Variants in GNG4 observed in about 807,000 individuals in gnomAD.
GNG4 encodes guanine nucleotide-binding protein G(I)/G(S)/G(O) subunit gamma-4.
In GNG4, 4 loss-of-function variants were observed where a neutral mutation model predicts 5.8. That is an observed-to-expected ratio of 0.69 (90% confidence interval 0.34 to 1.57). GNG4 has a LOEUF of 1.57. GNG4 is among the 40% of genes most tolerant of loss of function. The pLI, the probability that GNG4 is intolerant of heterozygous loss-of-function variation, is 0.06. For missense variants in GNG4, 96 were observed against 95.1 expected (o/e 1.01, Z -0.04); for synonymous variants, 29 against 32.9 (o/e 0.88, Z 0.41).
rs1406804490 is a variant in GNG4 at position 235,551,891 on chromosome 1, G to T, written c.*218C>A. 2 of 427,978 alleles carry T rather than the reference G, an allele frequency of 4.7e-6. No homozygotes were observed. Among genetic ancestry groups the T allele is most frequent in the Non-Finnish European group, 4.3e-6 (1 of 232,240 alleles). 26.5% of individuals were successfully genotyped at this position (427,978 alleles called of 1,614,324 possible). ...TTTGTTATTTGGCTATAAACATTTT[G>T]ATTTTCTTTGCCAATAATGAAAATA... is the stretch of plus-strand genomic sequence containing the variant. On this transcript the variant is annotated 3_prime_UTR_variant, in exon 4 of 4. Transcript: ENST00000391854.
chr1:235,591,548 AGACTGTCT>A (rs1294560900), intron 2 of GNG4, among the ~76,000 whole-genome samples: 2 of 152,158 alleles, frequency 1.3e-5, no homozygotes, highest in Non-Finnish European at 2.9e-5. Flanking sequence ...TGCCTTTCTG[AGACTGTCT>A]GGATGCTATA....
intron 1 of GNG4, chr1:235,616,264 G>T (rs113614373): frequency 4.1e-6 from 2 of 486,966 alleles, no homozygotes; most frequent in African/African-American, 3.9e-5. Context: ...TCCCTGAGAC[G>T]AATGAGGTCT....
At position 235,549,458 on chromosome 1, in the gene GNG4, T is replaced by C. The variant is rs1686679192; in HGVS notation, c.*2651A>G. The C allele has an allele frequency of 6.6e-6, 1 of 152,280 alleles. No individual in the cohort carries two copies. Among genetic ancestry groups the C allele is most frequent in the African/African-American group, 2.4e-5 (1 of 41,442 alleles). The allele number at this position is 152,280 out of a possible 1,614,324, so 9.4% of individuals were successfully genotyped here. A position where few individuals can be genotyped will look rare whatever the true frequency, so the allele number is the denominator to read the frequency against. ...AAAGCAGCATTTTTCTGACCTGATTTTGATGCTCTCTGTACGGCCCCGCTT... is the reference window on the plus strand; with the variant it reads ...AAAGCAGCATTTTTCTGACCTGATTCTGATGCTCTCTGTACGGCCCCGCTT... On this transcript the variant is annotated 3_prime_UTR_variant, in exon 4 of 4. Coordinates refer to ENST00000391854, the MANE Select transcript of GNG4 (RefSeq NM_001098722.2).
chr1:235,575,755 T>C (rs1340364309), intron 3 of GNG4, among the ~76,000 whole-genome samples: 1 of 152,140 alleles, frequency 6.6e-6, no homozygotes, highest in Non-Finnish European at 1.5e-5. Context: ...GCCACAGACA[T>C]AGGATTGACC....
rs150622566 is a variant in GNG4 at position 235,593,052 on chromosome 1, A to G, written c.-11+2348T>C. ...CAACATCCACCTCCCAGGTTCAAGC[A>G]ATTCTTCTGCCTCAGCCTCCTGAGT... On this transcript the variant is annotated intron_variant, in intron 2 of 3. Transcript: ENST00000391854. Among the ~76,000 whole-genome samples the G allele has an allele frequency of 9.0e-3, 1,371 of 151,630 alleles. 22 individuals carry two copies. Among genetic ancestry groups the G allele is most frequent in the African/African-American group, 0.031 (1,274 of 41,260 alleles).
intron 1 of GNG4, among the ~76,000 whole-genome samples, chr1:235,603,536 C>G (rs1688298242): frequency 6.6e-6 from 1 of 152,034 alleles, no homozygotes; most frequent in Non-Finnish European, 1.5e-5. Flanking sequence ...CACCGTCCCC[C>G]TCGCAGGGGG....
intron 2 of GNG4, among the ~76,000 whole-genome samples, chr1:235,584,714 A>G: frequency 6.6e-6 from 1 of 152,180 alleles, no homozygotes; most frequent in East Asian, 1.9e-4. Flanking sequence ...CCGTCTAATG[A>G]GAATCTGCTT....
At chr1:235,618,560 C>T (rs1688644038) in intron 1 of GNG4, among the ~76,000 whole-genome samples, 1 of 152,122 alleles carries the variant, frequency 6.6e-6, no homozygotes, top group African/African-American at 2.4e-5. Context: ...CTCAGTGGTG[C>T]CTGCAGTTGC....
intron 3 of GNG4, among the ~76,000 whole-genome samples, chr1:235,572,481 T>A (rs969351858): frequency 1.3e-5 from 2 of 149,778 alleles, no homozygotes; most frequent in Non-Finnish European, 3.0e-5. Context: ...ATTACAGGCA[T>A]GAGCCACCGT....
Position 235,648,562 on chromosome 1 carries a change from G to A in GNG4, c.-123+1100C>T, listed in dbSNP as rs1478351912. ...AGTTGCGGGAGGAATCGAGAAGCCGGCCGCAGAGCCCAGGTCCCCCATGGC... is the reference window on the plus strand; with the variant it reads ...AGTTGCGGGAGGAATCGAGAAGCCGACCGCAGAGCCCAGGTCCCCCATGGC... On this transcript the variant is annotated intron_variant, in intron 1 of 3. Coordinates refer to ENST00000391854, the MANE Select transcript of GNG4 (RefSeq NM_001098722.2). The surrounding 1 kb of genome is among the most constrained non-coding windows in gnomAD (Gnocchi z 5.0). 6.6e-6 allele frequency among the ~76,000 whole-genome samples: 1 copy of A among 152,230 alleles called. No homozygotes were observed. Among genetic ancestry groups the A allele is most frequent in the Non-Finnish European group, 1.5e-5 (1 of 68,054 alleles).
chr1:235,579,178 A>G (rs1687559407), intron 3 of GNG4, among the ~76,000 whole-genome samples: 1 of 152,132 alleles, frequency 6.6e-6, no homozygotes, highest in Admixed American at 6.6e-5. Context: ...ATTAATAACA[A>G]TGTATTGTAT....
At chr1:235,592,131 C>T (rs1687979179) in intron 2 of GNG4, among the ~76,000 whole-genome samples, 1 of 152,192 alleles carries the variant, frequency 6.6e-6, no homozygotes, top group South Asian at 2.1e-4. Context: ...ACCCGGCCCC[C>T]TACGGAATGA....
rs193197671 is a variant in GNG4 at position 235,642,067 on chromosome 1, G to A, written c.-123+7595C>T. Among the ~76,000 whole-genome samples the A allele has an allele frequency of 2.0e-5, 3 of 152,314 alleles. No individual in the cohort carries two copies. The East Asian group carries it at 5.8e-4, about 29-fold the overall frequency. ...TTTTCGTAGCCCTAGAGCTTCCAAC[G>A]TACAGTGCGGAAAAGCAACATAACA... On this transcript the variant is annotated intron_variant, in intron 1 of 3. Transcript: ENST00000391854. This position sits in a 1 kb window ranked among gnomAD's most constrained non-coding sequence, Gnocchi z 4.3.
At chr1:235,570,044 A>G (rs1475370808) in intron 3 of GNG4, among the ~76,000 whole-genome samples, 1 of 152,162 alleles carries the variant, frequency 6.6e-6, no homozygotes, top group South Asian at 2.1e-4. Context: ...TACGGCAAGC[A>G]GTTTGGACCT....
chr1:235,631,489 A>G (rs1370059642), intron 1 of GNG4, among the ~76,000 whole-genome samples: 2 of 152,094 alleles, frequency 1.3e-5, no homozygotes, highest in East Asian at 3.8e-4. Flanking sequence ...CTCTGAGCGG[A>G]GGCTCGGTGC....
chr1:235,586,111 T>C (rs1479708160), intron 2 of GNG4, among the ~76,000 whole-genome samples: 1 of 152,182 alleles, frequency 6.6e-6, no homozygotes, highest in Non-Finnish European at 1.5e-5. Context: ...AGTAAAATAT[T>C]CTCGTTAGAA....
chr1:235,597,094 G>A (rs1688139953), intron 1 of GNG4, among the ~76,000 whole-genome samples: 1 of 152,090 alleles, frequency 6.6e-6, no homozygotes, highest in Non-Finnish European at 1.5e-5. Context: ...TCCCTTTGCA[G>A]CCATCCTCCG....
intron 3 of GNG4, among the ~76,000 whole-genome samples, chr1:235,559,529 G>A (rs572430760): frequency 2.0e-5 from 3 of 152,144 alleles, no homozygotes; most frequent in African/African-American, 4.8e-5. Context: ...GAGGATCCCA[G>A]TAACTACTTC....
At chr1:235,632,758 C>T (rs1286637881) in intron 1 of GNG4, among the ~76,000 whole-genome samples, 1 of 152,114 alleles carries the variant, frequency 6.6e-6, no homozygotes, top group African/African-American at 2.4e-5. Flanking sequence ...GAATATTAGA[C>T]ATTGTCATCG....
Sources: gnomAD v4.1 joint callset for allele counts (sites outside exome capture counted in the v4.1 genomes callset) on GRCh38, gnomAD v4.1.1 for gene constraint, Gnocchi (gnomAD v3.1) non-coding constraint, MANE v1.5 for transcripts, NCBI Gene and HGNC (gene_info 2026-07-23, HGNC 2026-07-21) for gene names.